The following TOGARAM1 variants were observed in gnomAD, a reference collection of about 807,000 sequenced individuals.
TOGARAM1 encodes TOG array regulator of axonemal microtubules protein 1.
A neutral mutation model predicts 166.6 loss-of-function variants in TOGARAM1; 100 were observed. The observed-to-expected ratio is 0.60, with a 90% CI of 0.51 to 0.71. The LOEUF is 0.71. TOGARAM1 is among the 30% of genes least tolerant of loss of function. The pLI, the probability that TOGARAM1 is intolerant of heterozygous loss-of-function variation, is 0.00. For missense variants in TOGARAM1, 2,029 were observed against 2,102.7 expected (o/e 0.96, Z 0.69); for synonymous variants, 758 against 763.8 (o/e 0.99, Z 0.13).
At chr14:45,058,381 C>G (rs1882744441) in intron 16 of TOGARAM1, among the ~76,000 whole-genome samples, 1 of 151,812 alleles carries the variant, frequency 6.6e-6, no homozygotes, top group Admixed American at 6.6e-5. Flanking sequence ...TGCAACCTCC[C>G]CGTCCCAGGT....
chr14:44,987,382 C>T (rs527977062), intron 1 of TOGARAM1, among the ~76,000 whole-genome samples: 1 of 152,250 alleles, frequency 6.6e-6, no homozygotes, highest in African/African-American at 2.4e-5. Flanking sequence ...TATCCAGAAT[C>T]TACAAAGAAC....
At chr14:44,992,553 A>G (rs1217471104) in intron 1 of TOGARAM1, among the ~76,000 whole-genome samples, 1 of 151,980 alleles carries the variant, frequency 6.6e-6, no homozygotes, top group African/African-American at 2.4e-5. Flanking sequence ...ACTCCCTGCC[A>G]AAAGCTGCAA....
At chr14:44,971,179 A>G (rs928881811) in intron 1 of TOGARAM1, among the ~76,000 whole-genome samples, 1 of 152,182 alleles carries the variant, frequency 6.6e-6, no homozygotes, top group Non-Finnish European at 1.5e-5. Context: ...CAGTAAACCC[A>G]TCTGACTCTG....
intron 1 of TOGARAM1, among the ~76,000 whole-genome samples, chr14:44,990,654 T>G (rs1033230787): frequency 3.3e-5 from 5 of 152,228 alleles, no homozygotes; most frequent in Non-Finnish European, 5.9e-5. Flanking sequence ...ATTACCTTAC[T>G]TTTAGCATGT....
chr14:45,048,238 G>A (rs1882177718), intron 14 of TOGARAM1, among the ~76,000 whole-genome samples: 1 of 144,214 alleles, frequency 6.9e-6, no homozygotes, highest in Non-Finnish European at 1.5e-5. Context: ...TGTAGTTCCA[G>A]CTACTCGGGA....
At chr14:45,043,606 C>A in intron 11 of TOGARAM1, 80 bp from the exon 12 acceptor site, 1 of 843,286 alleles carries the variant, frequency 1.2e-6, no homozygotes, top group Non-Finnish European at 2.0e-6. Flanking sequence ...ATATTCCATA[C>A]ACAGAAAATA....
chr14:44,981,607 C>A (rs1594618368), intron 1 of TOGARAM1, among the ~76,000 whole-genome samples: 1 of 151,962 alleles, frequency 6.6e-6, no homozygotes, highest in African/African-American at 2.4e-5. Context: ...TTCTTAATGT[C>A]CTCTTAAGTT....
intron 4 of TOGARAM1, among the ~76,000 whole-genome samples, chr14:45,005,496 C>T (rs1180494591): frequency 6.6e-6 from 1 of 152,064 alleles, no homozygotes; most frequent in Non-Finnish European, 1.5e-5. Context: ...TGCCTGTAAT[C>T]CCAGCTACTT....
chr14:45,044,992 T>C, intron 13 of TOGARAM1, 122 bp downstream of exon 13: 2 of 648,504 alleles, frequency 3.1e-6, no homozygotes, highest in Non-Finnish European at 5.1e-6. Context: ...TATTAAAAAG[T>C]TCCTATGAGA....
chr14:45,021,586 C>A (rs993569741), intron 7 of TOGARAM1, among the ~76,000 whole-genome samples: 7 of 152,112 alleles, frequency 4.6e-5, no homozygotes, highest in Admixed American at 4.6e-4. Flanking sequence ...GAATAGCTAG[C>A]GTTGTCTCCT....
chr14:44,975,623 C>G (rs1328643059), intron 1 of TOGARAM1, among the ~76,000 whole-genome samples: 1 of 151,998 alleles, frequency 6.6e-6, no homozygotes. Context: ...CATGTCACCA[C>G]TTCTGGCTAA....
In TOGARAM1 at chr14:44,999,359, A is replaced by G; in HGVS notation, c.2204-4A>G. Reference sequence around the variant, plus strand: ...TATGTTTTCTCCCTTCCTTTCTTCAAAAGGTACTACTGGGACTCATCAAAC... The same window carrying G: ...TATGTTTTCTCCCTTCCTTTCTTCAGAAGGTACTACTGGGACTCATCAAAC... On this transcript the variant is annotated splice_polypyrimidine_tract_variant and splice_region_variant and intron_variant, in intron 2 of 19. Transcript: ENST00000361462. 1 of 1,549,076 alleles carries G rather than the reference A, an allele frequency of 6.5e-7. No homozygotes were observed. Among genetic ancestry groups the G allele is most frequent in the Non-Finnish European group, 8.7e-7 (1 of 1,144,636 alleles).
In TOGARAM1 at chr14:44,999,504, G is replaced by A; in HGVS notation, c.2338+7G>A. ...AGCAGTCATCAAGAAAAAGGTATAA[G>A]TTCCAAATTTACTTGGAAACAAATG... On this transcript the variant is annotated splice_region_variant and intron_variant, in intron 3 of 19. Transcript: ENST00000361462. 1.9e-6 allele frequency: 3 copies of A among 1,586,464 alleles called. No homozygotes were observed. The highest frequency in any genetic ancestry group is 2.6e-6 in the Non-Finnish European group (3 of 1,164,678).
In TOGARAM1 at chr14:45,006,244, G is replaced by T. The variant is rs779728848; in HGVS notation, c.2881G>T (p.Asp961Tyr). 9 of 1,610,960 alleles carry T rather than the reference G, an allele frequency of 5.6e-6. No individual in the cohort carries two copies. The highest frequency in any genetic ancestry group is 7.6e-6 in the Non-Finnish European group (9 of 1,178,184). The change falls in exon 5 of 20, where the codon GAT (aspartate) becomes TAT (tyrosine). Residue 961 changes from aspartate (D) to tyrosine (Y), a missense_variant. Asp to Tyr is a radical substitution (Grantham distance 160, BLOSUM62 -3). Coordinates refer to ENST00000361462, the MANE Select transcript of TOGARAM1 (RefSeq NM_001308120.2). ...TGATCTTTCAGAATTAAATTTCAAGGATAAAGATTTGGATCAAGAAGAGGT... is the reference window on the plus strand; with the variant it reads ...TGATCTTTCAGAATTAAATTTCAAGTATAAAGATTTGGATCAAGAAGAGGT... ...PIDLSELNFK[D>Y]KDLDQEEMHS... is the part of the protein sequence containing the mutation.
chr14:44,980,297 A>G (rs1278764836), intron 1 of TOGARAM1, among the ~76,000 whole-genome samples: 2 of 152,206 alleles, frequency 1.3e-5, no homozygotes, highest in African/African-American at 4.8e-5. Context: ...AAAATCATGA[A>G]TATTTCAATT....
chr14:45,003,511 G>A (rs1887783653), intron 3 of TOGARAM1, among the ~76,000 whole-genome samples: 1 of 152,086 alleles, frequency 6.6e-6, no homozygotes, highest in South Asian at 2.1e-4. Context: ...AAATGACAGA[G>A]GTGATCAGAT....
At position 45,044,618 on chromosome 14, in the gene TOGARAM1, T is replaced by G. The variant is rs1881889754; in HGVS notation, c.3919-17T>G. The G allele has an allele frequency of 6.4e-7, 1 of 1,554,692 alleles. No homozygotes were observed. The highest frequency in any genetic ancestry group is 8.7e-7 in the Non-Finnish European group (1 of 1,143,340). On this transcript the variant is annotated splice_polypyrimidine_tract_variant and intron_variant, in intron 12 of 19. Coordinates refer to ENST00000361462, the MANE Select transcript of TOGARAM1 (RefSeq NM_001308120.2). ...TGCAGAATATCAGCAAAATGTACAT[T>G]TTGAATTTTTTTTTAGGTGAAAAAT... is the stretch of plus-strand genomic sequence containing the variant.
In TOGARAM1 at chr14:44,964,464, G is replaced by A. The variant is rs1184178993; in HGVS notation, c.2043G>A (p.Glu681=). 1.3e-6 allele frequency: 2 copies of A among 1,545,754 alleles called. No homozygotes were observed. Among genetic ancestry groups the A allele is most frequent in the Admixed American group, 4.1e-5 (2 of 48,844 alleles). ...AGACCTCCACTTCCAAGGATATAGA[G>A]CAGGTATGCTTCTCTAATTTTCTTG... ...ENQTSTSKDI[E]QFSTYDFIPS... is the part of the protein sequence containing the mutation. The change falls in exon 1 of 20, where the codon GAG becomes GAA. Residue 681 remains glutamate, a synonymous_variant. Coordinates refer to ENST00000361462, the MANE Select transcript of TOGARAM1 (RefSeq NM_001308120.2).
Position 44,963,407 on chromosome 14 carries a change from G to A in TOGARAM1, c.986G>A (p.Gly329Glu), listed in dbSNP as rs1566588887. 6.2e-7 allele frequency: 1 copy of A among 1,614,148 alleles called. No homozygotes were observed. The highest frequency in any genetic ancestry group is 1.7e-5 in the Admixed American group (1 of 60,022). Residue 329 changes from glycine (G) to glutamate (E), a missense_variant, in exon 1 of 20, where the codon GGA (glycine) becomes GAA (glutamate). Transcript: ENST00000361462. ...TATTATTTGGAACTTGAAGCCTCTG[G>A]ATTTCCTGAAGATCCCCTTCCCTGT... is the stretch of plus-strand genomic sequence containing the variant. ...VPYYLELEASGFPEDPLPCAV... is the reference protein window; with the variant it reads ...VPYYLELEASEFPEDPLPCAV...
Sources: allele counts gnomAD v4.1 joint callset (sites outside exome capture counted in the v4.1 genomes callset), GRCh38; gene constraint gnomAD v4.1.1; transcripts MANE v1.5; gene names NCBI Gene and HGNC (gene_info 2026-07-23, HGNC 2026-07-21).